SYT14: variants seen among roughly 807,000 people sequenced by gnomAD.
The protein encoded by SYT14 is synaptotagmin-14.
Under a neutral mutation model 74.2 loss-of-function variants are expected in SYT14, and 32 were observed. That is an observed-to-expected ratio of 0.43 (90% CI 0.33 to 0.58). The LOEUF is 0.58. Among genes scored for constraint, SYT14 ranks in the 20% least tolerant of loss-of-function variants. SYT14 has a pLI of 0.05. For synonymous variants in SYT14, 298 were observed against 337.7 expected, an observed-to-expected ratio of 0.88 and a Z score of 1.29; for missense variants, 791 against 981.8, an observed-to-expected ratio of 0.81 and a Z score of 2.60.
intron 7 of SYT14, among the ~76,000 whole-genome samples, chr1:210,130,863 T>C (rs1256690527): frequency 6.6e-6 from 1 of 152,238 alleles, no homozygotes; most frequent in Non-Finnish European, 1.5e-5. Context: ...CTCAGAAATA[T>C]ACTTCTGTAT....
At chr1:210,129,544 G>A (rs1387959057) in intron 7 of SYT14, among the ~76,000 whole-genome samples, 1 of 152,202 alleles carries the variant, frequency 6.6e-6, no homozygotes, top group African/African-American at 2.4e-5. Context: ...AGGAAGTGAT[G>A]AATGGATGCT....
At chr1:210,071,766 G>A (rs1008808579) in intron 5 of SYT14, among the ~76,000 whole-genome samples, 1 of 96,246 alleles carries the variant, frequency 1.0e-5, no homozygotes, top group Non-Finnish European at 1.8e-5. Flanking sequence ...GACATAATCC[G>A]AATAATTTTA....
intron 5 of SYT14, among the ~76,000 whole-genome samples, chr1:210,076,562 A>G (rs770504585): frequency 6.6e-6 from 1 of 152,214 alleles, no homozygotes; most frequent in South Asian, 2.1e-4. Flanking sequence ...TCACGATGCT[A>G]TAAAGAAATA....
intron 5 of SYT14, among the ~76,000 whole-genome samples, chr1:210,052,348 G>T (rs1417143989): frequency 1.3e-5 from 2 of 151,164 alleles, no homozygotes; most frequent in African/African-American, 4.9e-5. Context: ...AGCCTCTGGA[G>T]TAGCTGGAAC....
At chr1:210,029,370 A>G (rs925828014) in intron 5 of SYT14, among the ~76,000 whole-genome samples, 2 of 151,938 alleles carry the variant, frequency 1.3e-5, no homozygotes, top group Admixed American at 6.6e-5. Context: ...CTTTTTCCCT[A>G]TGTTTTCTTC....
intron 4 of SYT14, 100 bp from the exon 4 acceptor site, chr1:210,020,939 T>G: frequency 2.1e-6 from 2 of 965,474 alleles, no homozygotes; most frequent in Non-Finnish European, 3.3e-6. Flanking sequence ...TTCTATACTT[T>G]ATTGTGTAAA....
intron 8 of SYT14, chr1:210,156,921 T>C: frequency 5.6e-6 from 2 of 360,066 alleles, no homozygotes; most frequent in Non-Finnish European, 1.2e-5. Flanking sequence ...CGCAAGCTCC[T>C]GACCTCAGGT....
chr1:209,996,394 T>C (rs1440879035), intron 2 of SYT14, among the ~76,000 whole-genome samples: 1 of 152,032 alleles, frequency 6.6e-6, no homozygotes, highest in East Asian at 1.9e-4. Flanking sequence ...TCTTCCAAGA[T>C]TGAATAAGAA....
At chr1:210,014,599 G>T (rs2080148030) in intron 3 of SYT14, among the ~76,000 whole-genome samples, 2 of 152,076 alleles carry the variant, frequency 1.3e-5, no homozygotes, top group South Asian at 4.1e-4. Context: ...TTGGAGATAT[G>T]CTTTTCTCTT....
chr1:209,968,839 C>T (rs2079198221), intron 2 of SYT14, among the ~76,000 whole-genome samples: 1 of 151,802 alleles, frequency 6.6e-6, no homozygotes, highest in Non-Finnish European at 1.5e-5. Context: ...ATTGATGCCA[C>T]CACCCAGGTA....
intron 5 of SYT14, among the ~76,000 whole-genome samples, chr1:210,063,721 A>G (rs1293761544): frequency 6.6e-6 from 1 of 151,690 alleles, no homozygotes; most frequent in Non-Finnish European, 1.5e-5. Flanking sequence ...TGCTGTCTTC[A>G]TTTGGCCACA....
At chr1:210,028,726 A>G (rs1273826499) in intron 5 of SYT14, among the ~76,000 whole-genome samples, 2 of 152,188 alleles carry the variant, frequency 1.3e-5, no homozygotes, top group African/African-American at 2.4e-5. Flanking sequence ...TAATGCTGCT[A>G]TGCACATGGG....
At chr1:210,165,371 A>G (rs1193697064) in exon 10 of SYT14, 1 of 152,200 alleles carries the variant, frequency 6.6e-6, no homozygotes, top group Non-Finnish European at 1.5e-5. Context: ...CTCAGGACAC[A>G]AGTGGTGGTA....
intron 6 of SYT14, among the ~76,000 whole-genome samples, chr1:210,098,156 CAAAG>C (rs746660621): frequency 2.1e-5 from 3 of 141,756 alleles, no homozygotes; most frequent in Non-Finnish European, 3.1e-5. Flanking sequence ...GCCTGGTAAA[CAAAG>C]AAAGACCCTG....
At chr1:210,137,640 C>T (rs564030270) in intron 7 of SYT14, among the ~76,000 whole-genome samples, 43 of 151,058 alleles carry the variant, frequency 2.8e-4, no homozygotes, top group African/African-American at 1.0e-3. Context: ...CCATGTTCTC[C>T]AGAAATGCTC....
At chr1:210,016,593 T>C in exon 4 of SYT14, 1 of 1,231,772 alleles carries the variant, frequency 8.1e-7, no homozygotes, top group Non-Finnish European at 1.0e-6. Flanking sequence ...TATCAAGAAA[T>C]GAAAGGAAAT....
chr1:210,149,172 T>C (rs1303552055), intron 7 of SYT14, among the ~76,000 whole-genome samples: 1 of 145,788 alleles, frequency 6.9e-6, no homozygotes, highest in Non-Finnish European at 1.5e-5. Flanking sequence ...ATTTTGATTA[T>C]AGCAGGAATT....
chr1:210,099,861 T>G, intron 6 of SYT14, 151 bp from the exon 6 acceptor site: 1 of 748,556 alleles, frequency 1.3e-6, no homozygotes, highest in Non-Finnish European at 2.2e-6. Flanking sequence ...TAGGGTAGCT[T>G]TTGGTTGTAG....
chr1:210,086,632 A>C (rs2081738743), intron 5 of SYT14, among the ~76,000 whole-genome samples: 1 of 152,162 alleles, frequency 6.6e-6, no homozygotes, highest in African/African-American at 2.4e-5. Flanking sequence ...ATTAGTGGAT[A>C]ATAGATTTAG....
Sources: gnomAD v4.1 joint callset for allele counts (sites outside exome capture counted in the v4.1 genomes callset) on GRCh38, gnomAD v4.1.1 for gene constraint, MANE v1.5 for transcripts, NCBI Gene and HGNC (gene_info 2026-07-23, HGNC 2026-07-21) for gene names.